The following PCTP variants were observed in gnomAD, a reference collection of about 807,000 sequenced individuals.
PCTP encodes phosphatidylcholine transfer protein.
In PCTP, 27 loss-of-function variants were observed where a neutral mutation model predicts 31.0. The observed-to-expected ratio is 0.87, with a 90% CI of 0.64 to 1.20. The LOEUF is 1.20. Among genes scored for constraint, PCTP ranks in the 50% most tolerant of loss-of-function variants. The pLI is 0.00. For missense variants in PCTP, 287 were observed against 268.2 expected (o/e 1.07, Z -0.49); for synonymous variants, 108 against 101.2 (o/e 1.07, Z -0.40).
At position 55,767,429 on chromosome 17, in the gene PCTP, A is replaced by G; in HGVS notation, c.236A>G (p.Lys79Arg). Residue 79 changes from lysine to arginine, a missense_variant, in exon 2 of 6, where the codon AAA becomes AGA. Lys to Arg is a conservative substitution (Grantham distance 26). Transcript: ENST00000268896. ...ATCTATATGGACTCAGATTACAGAA[A>G]ACAATGGGACCAGTATGTTAAAGGT... ...ADIYMDSDYRKQWDQYVKELY... is the reference protein window; with the variant it reads ...ADIYMDSDYRRQWDQYVKELY... 5 of 1,609,718 alleles carry G rather than the reference A, an allele frequency of 3.1e-6. No individual in the cohort carries two copies. The highest frequency in any genetic ancestry group is 1.1e-5 in the South Asian group (1 of 90,946).
chr17:55,845,012 G>A (rs889898250), downstream of PCTP, among the ~76,000 whole-genome samples: 2 of 148,440 alleles, frequency 1.3e-5, no homozygotes, highest in Non-Finnish European at 3.0e-5. Flanking sequence ...CCTTGAACCC[G>A]GGAGGCGGAG....
At chr17:55,775,167 G>A (rs1911259676) in intron 5 of PCTP, 2 of 1,194,516 alleles carry the variant, frequency 1.7e-6, no homozygotes, top group East Asian at 5.5e-5. Context: ...AGGAACAATA[G>A]TGCCTTTGGA....
At chr17:55,754,075 T>A (rs1342706783) in intron 1 of PCTP, among the ~76,000 whole-genome samples, 1 of 152,218 alleles carries the variant, frequency 6.6e-6, no homozygotes, top group Non-Finnish European at 1.5e-5. Context: ...TGAGGATTTC[T>A]CTCCAAACAC....
chr17:55,784,364 A>G (rs1450987931), intron 2 of PCTP, among the ~76,000 whole-genome samples: 2 of 152,250 alleles, frequency 1.3e-5, no homozygotes, highest in Non-Finnish European at 2.9e-5. Flanking sequence ...TGCGTCCACC[A>G]TATTTCTTCC....
At chr17:55,770,870 C>T in intron 2 of PCTP, 1 of 402,468 alleles carries the variant, frequency 2.5e-6, no homozygotes, top group Non-Finnish European at 4.5e-6. Context: ...CAGACATGCA[C>T]CACCATACCT....
chr17:55,777,388 C>G (rs1489055446), downstream of PCTP: 1 of 981,744 alleles, frequency 1.0e-6, no homozygotes, highest in Non-Finnish European at 1.2e-6. Flanking sequence ...GTCCTGTGTA[C>G]CACTTCCTTC....
chr17:55,843,221 T>C (rs947042421), downstream of PCTP, among the ~76,000 whole-genome samples: 12 of 152,186 alleles, frequency 7.9e-5, no homozygotes, highest in African/African-American at 2.7e-4. Flanking sequence ...TCTTATTTCT[T>C]CTAGTCTTGA....
intron 3 of PCTP, among the ~76,000 whole-genome samples, chr17:55,790,904 G>A (rs9674532): frequency 0.2 from 28,601 of 145,776 alleles, 3,591 homozygotes; most frequent in African/African-American, 0.32. Flanking sequence ...ACTTCAAACT[G>A]TACTACAAGG....
intron 3 of PCTP, among the ~76,000 whole-genome samples, chr17:55,796,403 T>A (rs1463943809): frequency 6.6e-6 from 1 of 151,988 alleles, no homozygotes; most frequent in East Asian, 1.9e-4. Context: ...TTGGTGTAAA[T>A]TTGTTTATGT....
chr17:55,762,628 C>T (rs1910399953), intron 1 of PCTP, among the ~76,000 whole-genome samples: 1 of 152,046 alleles, frequency 6.6e-6, no homozygotes, highest in South Asian at 2.1e-4. Flanking sequence ...CAGAGTTCTA[C>T]CTATTGGTAG....
chr17:55,807,160 A>G (rs1912603353), intron 3 of PCTP, among the ~76,000 whole-genome samples: 1 of 152,296 alleles, frequency 6.6e-6, no homozygotes. Flanking sequence ...ACTATTAATG[A>G]TAGTCTAGTC....
chr17:55,786,846 G>T (rs567592145), intron 2 of PCTP, among the ~76,000 whole-genome samples: 1 of 152,156 alleles, frequency 6.6e-6, no homozygotes, highest in Non-Finnish European at 1.5e-5. Context: ...TGAGAGCAAT[G>T]GGGCTCCTGG....
At chr17:55,788,427 T>C (rs779325991) in intron 3 of PCTP, among the ~76,000 whole-genome samples, 6 of 152,204 alleles carry the variant, frequency 3.9e-5, no homozygotes, top group Non-Finnish European at 7.4e-5. Context: ...ACCCCATATT[T>C]ACTTATGGGG....
chr17:55,764,929 A>G (rs181081582), intron 1 of PCTP, among the ~76,000 whole-genome samples: 1 of 152,236 alleles, frequency 6.6e-6, no homozygotes, highest in Non-Finnish European at 1.5e-5. Flanking sequence ...TAGAGCCTTT[A>G]GGCAAAGCTG....
rs188876471 is a variant in PCTP at position 55,802,161 on chromosome 17, A to G, written c.317+14507A>G. ...GACACATACACACTCCCAAGACTAAACCAGGAAAATGTTAAATCCCTGAAT... is the reference window on the plus strand; with the variant it reads ...GACACATACACACTCCCAAGACTAAGCCAGGAAAATGTTAAATCCCTGAAT... On this transcript the variant is annotated intron_variant, in intron 3 of 3. Coordinates refer to the PCTP transcript ENST00000572536. Among the ~76,000 whole-genome samples the G allele has an allele frequency of 2.2e-3, 336 of 152,306 alleles. 1 individual carries two copies. The highest frequency in any genetic ancestry group is 7.8e-3 in the African/African-American group (324 of 41,570).
At chr17:55,842,971 T>C (rs898624276), downstream of PCTP, 9 of 152,146 alleles carry the variant, frequency 5.9e-5, no homozygotes, top group African/African-American at 2.2e-4. Flanking sequence ...TAAAAAGTAA[T>C]TATTTACTCT....
intron 3 of PCTP, among the ~76,000 whole-genome samples, chr17:55,796,688 C>G (rs1201905675): frequency 6.6e-6 from 1 of 151,864 alleles, no homozygotes; most frequent in Non-Finnish European, 1.5e-5. Flanking sequence ...ATCTCCTGTG[C>G]ACATATGACT....
chr17:55,821,500 G>T (rs1362967654), intron 3 of PCTP, among the ~76,000 whole-genome samples: 1 of 152,164 alleles, frequency 6.6e-6, no homozygotes, highest in Non-Finnish European at 1.5e-5. Context: ...ACATAAATTG[G>T]TTCATTGCAT....
At chr17:55,851,102 T>C in the PCTP span, among the ~76,000 whole-genome samples, 9 of 152,328 alleles carry the variant, frequency 5.9e-5, no homozygotes, top group East Asian at 1.3e-3. Flanking sequence ...TGTTATTTTA[T>C]GAAAATGGAC....
Sources: gnomAD v4.1 joint callset for allele counts (sites outside exome capture counted in the v4.1 genomes callset) on GRCh38, gnomAD v4.1.1 for gene constraint, MANE v1.5 for transcripts, NCBI Gene and HGNC (gene_info 2026-07-23, HGNC 2026-07-21) for gene names.